Variants in CUX1 observed in about 807,000 individuals in gnomAD.
CUX1 encodes the protein cut like homeobox 1, also known as protein CASP.
CUX1 carries 31 observed loss-of-function variants against 158.8 expected under a neutral mutation model. The observed-to-expected ratio is 0.20, with a 90% CI of 0.15 to 0.26. CUX1 has a LOEUF of 0.26. Among genes scored for constraint, CUX1 ranks in the 10% least tolerant of loss-of-function variants. The pLI, the probability that CUX1 is intolerant of heterozygous loss-of-function variation, is 1.00. For missense variants in CUX1, 1,589 were observed against 2,014.6 expected (o/e 0.79, Z 4.04); for synonymous variants, 879 against 862.1 (o/e 1.02, Z -0.34).
chr7:102,282,801 C>T (rs1792187962), intron 22 of CUX1: 3 of 1,561,262 alleles, frequency 1.9e-6, no homozygotes, highest in Middle Eastern at 1.8e-4. Context: ...TTGGGCCCCC[C>T]CTCAGCCCCA....
At chr7:101,993,352 A>AAATG (rs1815395523) in intron 2 of CUX1, among the ~76,000 whole-genome samples, 1 of 152,086 alleles carries the variant, frequency 6.6e-6, no homozygotes, top group Non-Finnish European at 1.5e-5. Context: ...ATAAATAAAT[A>AAATG]AATAAGATAA....
At chr7:102,101,607 G>A (rs575222734) in intron 5 of CUX1, among the ~76,000 whole-genome samples, 4 of 152,230 alleles carry the variant, frequency 2.6e-5, no homozygotes, top group East Asian at 1.9e-4. Flanking sequence ...ACTTCCAGCC[G>A]GTCCTTAAAG....
chr7:101,991,300 A>G (rs1304519760), intron 2 of CUX1, among the ~76,000 whole-genome samples: 1 of 152,248 alleles, frequency 6.6e-6, no homozygotes, highest in East Asian at 1.9e-4. Context: ...CTGGGACACC[A>G]GCTAAAATGT....
chr7:102,103,596 C>T (rs1554487306), intron 5 of CUX1, among the ~76,000 whole-genome samples: 3 of 152,122 alleles, frequency 2.0e-5, no homozygotes. Flanking sequence ...CTACCACGTC[C>T]AGCTAATTCT....
intron 20 of CUX1, among the ~76,000 whole-genome samples, chr7:102,221,253 T>C (rs1302592805): frequency 2.0e-5 from 3 of 152,264 alleles, no homozygotes; most frequent in African/African-American, 7.2e-5. Flanking sequence ...ACCCTGTCAT[T>C]TTGTTTCAGC....
At chr7:102,093,166 T>A (rs1292188251) in intron 4 of CUX1, among the ~76,000 whole-genome samples, 1 of 150,478 alleles carries the variant, frequency 6.6e-6, no homozygotes, top group Non-Finnish European at 1.5e-5. Flanking sequence ...GCTTTTTTTT[T>A]TTTTTTTCTG....
chr7:102,046,569 A>ATTTTTTTTTTTTTTTTTTTTTTTT (rs55753644), intron 3 of CUX1, among the ~76,000 whole-genome samples: 4 of 55,480 alleles, frequency 7.2e-5, no homozygotes, highest in African/African-American at 1.6e-4. Flanking sequence ...TTTGGTTTGG[A>ATTTTTTTTTTTTTTTTTTTTTTTT]TTTTTTTTTT....
At chr7:101,996,681 C>G (rs1221795998) in intron 2 of CUX1, among the ~76,000 whole-genome samples, 1 of 144,640 alleles carries the variant, frequency 6.9e-6, no homozygotes, top group African/African-American at 2.6e-5. Context: ...ATCCTTCCCT[C>G]GTTTCCTTCC....
intron 3 of CUX1, among the ~76,000 whole-genome samples, chr7:102,032,986 T>C (rs1342905098): frequency 6.6e-6 from 1 of 152,188 alleles, no homozygotes; most frequent in African/African-American, 2.4e-5. Context: ...CTTCTCTCCC[T>C]GAGAAGGGGC....
intron 19 of CUX1, chr7:102,280,689 G>A: frequency 9.7e-7 from 1 of 1,029,816 alleles, no homozygotes; most frequent in Non-Finnish European, 1.5e-6. Context: ...CCCCCTGGGG[G>A]TCTGCAAGAA....
At chr7:102,090,745 C>T (rs1385465041) in intron 4 of CUX1, among the ~76,000 whole-genome samples, 1 of 144,866 alleles carries the variant, frequency 6.9e-6, no homozygotes, top group African/African-American at 2.6e-5. Context: ...TATTAATTAA[C>T]AAACGATTTG....
chr7:102,184,146 C>A (rs1179005933), intron 11 of CUX1, among the ~76,000 whole-genome samples: 1 of 152,218 alleles, frequency 6.6e-6, no homozygotes, highest in Admixed American at 6.5e-5. Flanking sequence ...GATCCTCCCA[C>A]CTCAGTCTCC....
chr7:101,857,103 C>T (rs1487926266), intron 1 of CUX1, among the ~76,000 whole-genome samples: 2 of 152,210 alleles, frequency 1.3e-5, no homozygotes, highest in Non-Finnish European at 2.9e-5. Flanking sequence ...CCACCCGCCG[C>T]GGGCCACTTT....
chr7:102,072,301 G>A (rs527826894), intron 4 of CUX1, among the ~76,000 whole-genome samples: 72 of 152,300 alleles, frequency 4.7e-4, no homozygotes, highest in Non-Finnish European at 7.9e-4. Context: ...TGAAGTGGTG[G>A]CCCTCATTCA....
At chr7:101,943,449 C>T (rs766366835) in intron 2 of CUX1, among the ~76,000 whole-genome samples, 2 of 151,976 alleles carry the variant, frequency 1.3e-5, no homozygotes, top group African/African-American at 4.8e-5. Context: ...ATGACCAATT[C>T]ATCTAAAACC....
At chr7:101,850,633 G>A (rs932773970) in intron 1 of CUX1, among the ~76,000 whole-genome samples, 5 of 151,786 alleles carry the variant, frequency 3.3e-5, no homozygotes, top group African/African-American at 7.3e-5. Context: ...TCCCGCCTCC[G>A]CCTCCCAAAA....
At chr7:102,168,681 A>T (rs1368307641) in intron 9 of CUX1, among the ~76,000 whole-genome samples, 3 of 148,716 alleles carry the variant, frequency 2.0e-5, no homozygotes, top group Non-Finnish European at 4.4e-5. Context: ...ATTTGTCTGT[A>T]TGCAGGGCAA....
chr7:101,836,498 T>G (rs888497085), intron 1 of CUX1, among the ~76,000 whole-genome samples: 2 of 150,984 alleles, frequency 1.3e-5, no homozygotes, highest in African/African-American at 4.9e-5. Context: ...CCCTCCTTGC[T>G]CAGCAACAAG....
At chr7:101,977,060 G>A (rs1812796470) in intron 2 of CUX1, among the ~76,000 whole-genome samples, 1 of 151,650 alleles carries the variant, frequency 6.6e-6, no homozygotes, top group South Asian at 2.1e-4. Flanking sequence ...TTACAGGTGT[G>A]TACCACCACA....
Sources: allele counts gnomAD v4.1 joint callset (sites outside exome capture counted in the v4.1 genomes callset), GRCh38; gene constraint gnomAD v4.1.1; transcripts MANE v1.5; gene names NCBI Gene and HGNC (gene_info 2026-07-23, HGNC 2026-07-21).